Variants in SGCZ observed in about 807,000 individuals in gnomAD.
The protein encoded by SGCZ is sarcoglycan zeta.
A neutral mutation model predicts 41.3 loss-of-function variants in SGCZ; 40 were observed. That is an observed-to-expected ratio of 0.97 (90% CI 0.75 to 1.26). The LOEUF is 1.26. SGCZ is among the 50% of genes most tolerant of loss of function. The pLI is 0.00. For missense variants in SGCZ, 552 were observed against 369.8 expected (o/e 1.49, Z -4.04); for synonymous variants, 206 against 137.5 (o/e 1.50, Z -3.49).
chr8:14,253,154 A>G (rs941208333), intron 3 of SGCZ, among the ~76,000 whole-genome samples: 2 of 152,094 alleles, frequency 1.3e-5, no homozygotes, highest in African/African-American at 4.8e-5. Context: ...ACAGTAGATA[A>G]CTTGAAATTA....
intron 1 of SGCZ, among the ~76,000 whole-genome samples, chr8:15,216,437 G>C (rs1801407039): frequency 6.6e-6 from 1 of 151,840 alleles, no homozygotes; most frequent in African/African-American, 2.4e-5. Context: ...CGCCAGGATG[G>C]TCTCGATCTC....
intron 5 of SGCZ, among the ~76,000 whole-genome samples, chr8:14,140,268 A>G (rs373314475): frequency 2.6e-5 from 4 of 152,274 alleles, no homozygotes; most frequent in East Asian, 3.9e-4. Flanking sequence ...GCACAAGACA[A>G]GGATGCCCTT....
chr8:14,679,938 A>G (rs1808390699), intron 1 of SGCZ, among the ~76,000 whole-genome samples: 1 of 152,100 alleles, frequency 6.6e-6, no homozygotes, highest in Non-Finnish European at 1.5e-5. Flanking sequence ...TGTGTTACAA[A>G]TGCCTACAGT....
In SGCZ at chr8:15,223,083, G is replaced by T. The variant is rs150756744; in HGVS notation, c.39+14502C>A. On this transcript the variant is annotated intron_variant, in intron 1 of 7. Transcript: ENST00000382080. The stretch of plus-strand genomic sequence containing the variant: ...AATCTTAAATCATATTAAATGGGCT[G>T]CTTTCTATTTTACCAACCCTTAAAG... Among the ~76,000 whole-genome samples the T allele has an allele frequency of 4.1e-4, 63 of 152,234 alleles. No individual in the cohort carries two copies. In the East Asian group the frequency reaches 0.011, roughly 28 times the overall value.
At chr8:14,335,505 C>G (rs1585377754) in intron 2 of SGCZ, among the ~76,000 whole-genome samples, 1 of 152,204 alleles carries the variant, frequency 6.6e-6, no homozygotes, top group East Asian at 1.9e-4. Context: ...TTTTTAACAT[C>G]TTATCCGTTA....
intron 1 of SGCZ, among the ~76,000 whole-genome samples, chr8:14,828,739 A>C (rs1802424801): frequency 6.6e-6 from 1 of 152,182 alleles, no homozygotes; most frequent in Non-Finnish European, 1.5e-5. Context: ...AAAGACCAAC[A>C]ACATCTGCTT....
At chr8:14,130,390 A>C (rs1462162569) in intron 5 of SGCZ, among the ~76,000 whole-genome samples, 2 of 152,218 alleles carry the variant, frequency 1.3e-5, no homozygotes, top group Non-Finnish European at 2.9e-5. Context: ...AAGAAAAAGA[A>C]TCATAGCTGT....
At chr8:14,312,646 AGAGGAAGAGGAAGAGGAG>A (rs1185788782) in intron 3 of SGCZ, among the ~76,000 whole-genome samples, 2 of 150,758 alleles carry the variant, frequency 1.3e-5, no homozygotes, top group Admixed American at 6.6e-5. Context: ...AAGAAGAAGA[AGAGGAAGAGGAAGAGGAG>A]GAGGAAGAGG....
At chr8:14,746,036 A>G (rs950838301) in intron 1 of SGCZ, among the ~76,000 whole-genome samples, 13 of 152,090 alleles carry the variant, frequency 8.5e-5, no homozygotes, top group African/African-American at 3.1e-4. Context: ...AATAAATTAT[A>G]CAGTAAAAGA....
intron 1 of SGCZ, among the ~76,000 whole-genome samples, chr8:15,005,017 T>C (rs757991103): frequency 3.3e-5 from 5 of 152,158 alleles, no homozygotes; most frequent in African/African-American, 9.7e-5. Context: ...AGTGGTCAGG[T>C]TGAAAACTGA....
intron 5 of SGCZ, among the ~76,000 whole-genome samples, chr8:14,137,469 G>A (rs1465042762): frequency 6.6e-6 from 1 of 152,164 alleles, no homozygotes; most frequent in Non-Finnish European, 1.5e-5. Context: ...AATAAACAGT[G>A]TAGAGAAGGC....
chr8:14,846,771 A>G (rs995155517), intron 1 of SGCZ, among the ~76,000 whole-genome samples: 3 of 151,320 alleles, frequency 2.0e-5, no homozygotes, highest in African/African-American at 7.3e-5. Context: ...ATCACAGATA[A>G]GAAGAGAAGA....
At chr8:15,011,484 T>G (rs1802825516) in intron 1 of SGCZ, among the ~76,000 whole-genome samples, 1 of 152,218 alleles carries the variant, frequency 6.6e-6, no homozygotes, top group South Asian at 2.1e-4. Flanking sequence ...ATAAACATGT[T>G]AATAAAAATC....
intron 1 of SGCZ, among the ~76,000 whole-genome samples, chr8:14,566,305 G>C (rs553832296): frequency 8.1e-4 from 123 of 152,324 alleles, no homozygotes; most frequent in South Asian, 7.9e-3. Flanking sequence ...GAGGCAGACA[G>C]GAAATGGGAA....
At chr8:14,471,157 T>C (rs780368813) in intron 2 of SGCZ, among the ~76,000 whole-genome samples, 5 of 152,156 alleles carry the variant, frequency 3.3e-5, no homozygotes, top group African/African-American at 9.7e-5. Flanking sequence ...TCTTCCTAAA[T>C]GTAACATTGA....
At chr8:14,522,734 T>A (rs1285163836) in intron 2 of SGCZ, among the ~76,000 whole-genome samples, 2 of 151,810 alleles carry the variant, frequency 1.3e-5, no homozygotes, top group African/African-American at 2.4e-5. Flanking sequence ...TTTAACCATG[T>A]TAAAATTGAT....
At chr8:14,860,198 C>CT (rs373708249) in intron 1 of SGCZ, among the ~76,000 whole-genome samples, 81 of 147,992 alleles carry the variant, frequency 5.5e-4, no homozygotes, top group African/African-American at 8.0e-4. Flanking sequence ...TTTTTTTTGT[C>CT]TTTTTTTTTT....
chr8:14,375,630 T>C (rs1804093199), intron 2 of SGCZ, among the ~76,000 whole-genome samples: 2 of 152,162 alleles, frequency 1.3e-5, no homozygotes, highest in Non-Finnish European at 2.9e-5. Context: ...AATACCTGGA[T>C]TTATGGCTGA....
intron 2 of SGCZ, among the ~76,000 whole-genome samples, chr8:14,330,464 T>A (rs1802275713): frequency 6.6e-6 from 1 of 152,102 alleles, no homozygotes; most frequent in South Asian, 2.1e-4. Flanking sequence ...AGAGGATTAT[T>A]TGTTAAGAAA....
Sources: allele counts gnomAD v4.1 joint callset (sites outside exome capture counted in the v4.1 genomes callset), GRCh38; gene constraint gnomAD v4.1.1; transcripts MANE v1.5; gene names NCBI Gene and HGNC (gene_info 2026-07-23, HGNC 2026-07-21).